The following TAS2R1 variants were observed in gnomAD, a reference collection of about 807,000 sequenced individuals.
TAS2R1 encodes the protein taste 2 receptor member 1.
For synonymous variants in TAS2R1, 141 were observed against 134.2 expected, an observed-to-expected ratio of 1.05 and a Z score of -0.35; for missense variants, 370 against 353.4, an observed-to-expected ratio of 1.05 and a Z score of -0.38.
At chr5:9,689,126 T>A (rs1178095813) in intron 1 of TAS2R1, among the ~76,000 whole-genome samples, 1 of 152,188 alleles carries the variant, frequency 6.6e-6, no homozygotes, top group East Asian at 1.9e-4. Flanking sequence ...TACTGACTTT[T>A]ATCAACTCTA....
chr5:9,818,375 T>C, the TAS2R1 span, among the ~76,000 whole-genome samples: 1 of 152,166 alleles, frequency 6.6e-6, no homozygotes, highest in East Asian at 1.9e-4. Flanking sequence ...ACCCCAAGAT[T>C]TTCTCTACCC....
the TAS2R1 span, among the ~76,000 whole-genome samples, chr5:9,743,375 T>C: frequency 6.6e-6 from 1 of 152,168 alleles, no homozygotes; most frequent in Non-Finnish European, 1.5e-5. Flanking sequence ...ACGTGCAGGT[T>C]TGTTACATAT....
the TAS2R1 span, among the ~76,000 whole-genome samples, chr5:9,847,630 G>A: frequency 6.6e-6 from 1 of 152,202 alleles, no homozygotes; most frequent in Non-Finnish European, 1.5e-5. Flanking sequence ...TGGAAGCTTT[G>A]GAGCATCAAC....
the TAS2R1 span, among the ~76,000 whole-genome samples, chr5:9,863,537 T>C: frequency 1.3e-5 from 2 of 152,194 alleles, no homozygotes; most frequent in South Asian, 4.1e-4. Flanking sequence ...AGTGTTTGGA[T>C]TACGGGCGTG....
the TAS2R1 span, among the ~76,000 whole-genome samples, chr5:9,795,085 C>T: frequency 1.3e-5 from 2 of 152,132 alleles, no homozygotes; most frequent in African/African-American, 2.4e-5. Flanking sequence ...AGATATTCAA[C>T]GTCCTCTTTC....
In TAS2R1 at chr5:9,708,949, C is replaced by T. The variant is rs554944755; in HGVS notation, c.-242+3223G>A. Reference sequence around the variant, plus strand: ...AAAATAGCTGCCACAGCTCCAGGCACCATGCTCCCACACAGTTATATTCAA... The same window carrying T: ...AAAATAGCTGCCACAGCTCCAGGCATCATGCTCCCACACAGTTATATTCAA... On this transcript the variant is annotated intron_variant, in intron 1 of 2. Transcript: ENST00000506620. 7.2e-5 allele frequency among the ~76,000 whole-genome samples: 11 copies of T among 152,244 alleles called. No homozygotes were observed. In the South Asian group the frequency reaches 2.3e-3, roughly 32 times the overall value.
the TAS2R1 span, among the ~76,000 whole-genome samples, chr5:9,792,875 T>A: frequency 6.6e-5 from 10 of 152,206 alleles, no homozygotes; most frequent in African/African-American, 2.4e-4. Flanking sequence ...CTGGTGATAT[T>A]CTGATCAAAA....
At chr5:9,672,351 A>T (rs6878365) in intron 1 of TAS2R1, among the ~76,000 whole-genome samples, 31,930 of 152,122 alleles carry the variant, frequency 0.21, 3,546 homozygotes, top group African/African-American at 0.26. Flanking sequence ...AAGACAACCT[A>T]CAGAACAGGA....
the TAS2R1 span, among the ~76,000 whole-genome samples, chr5:9,788,808 A>G: frequency 1.2e-4 from 18 of 152,298 alleles, no homozygotes; most frequent in Middle Eastern, 0.01. Context: ...GAAATATGAA[A>G]ATGTTTTTAT....
the TAS2R1 span, among the ~76,000 whole-genome samples, chr5:9,862,459 C>T: frequency 1.3e-5 from 2 of 152,070 alleles, no homozygotes; most frequent in Non-Finnish European, 2.9e-5. Flanking sequence ...TGCATCAGAC[C>T]GCACAGAGCC....
the TAS2R1 span, among the ~76,000 whole-genome samples, chr5:9,801,573 G>A: frequency 6.6e-6 from 1 of 152,212 alleles, no homozygotes; most frequent in South Asian, 2.1e-4. Flanking sequence ...GGCTCCCTGA[G>A]ATGCCAAAAA....
the TAS2R1 span, among the ~76,000 whole-genome samples, chr5:9,790,184 G>A: frequency 4.6e-5 from 7 of 152,174 alleles, no homozygotes; most frequent in African/African-American, 1.7e-4. Context: ...CTACCATTAA[G>A]CCTTCGATGG....
the TAS2R1 span, among the ~76,000 whole-genome samples, chr5:9,787,056 G>A: frequency 6.6e-6 from 1 of 152,020 alleles, no homozygotes; most frequent in Non-Finnish European, 1.5e-5. Context: ...ATATGTTTTG[G>A]CCCAAGTTTC....
chr5:9,692,940 T>A (rs1741277560), intron 1 of TAS2R1, among the ~76,000 whole-genome samples: 1 of 152,130 alleles, frequency 6.6e-6, no homozygotes, highest in Non-Finnish European at 1.5e-5. Flanking sequence ...GCGGCTCATT[T>A]GGTTTATCTC....
chr5:9,732,452 G>T, the TAS2R1 span, among the ~76,000 whole-genome samples: 1 of 152,138 alleles, frequency 6.6e-6, no homozygotes, highest in Non-Finnish European at 1.5e-5. Flanking sequence ...GGGCTTTATG[G>T]AGAAAGGATT....
At chr5:9,638,904 G>A (rs1483424376) in intron 2 of TAS2R1, among the ~76,000 whole-genome samples, 3 of 152,124 alleles carry the variant, frequency 2.0e-5, no homozygotes, top group Non-Finnish European at 2.9e-5. Flanking sequence ...GGAAGTGGGG[G>A]ATAGCCAGTA....
chr5:9,700,674 C>T (rs902195214), intron 1 of TAS2R1, among the ~76,000 whole-genome samples: 1 of 152,010 alleles, frequency 6.6e-6, no homozygotes, highest in African/African-American at 2.4e-5. Context: ...TGATCACAGT[C>T]CTGGAGGCTA....
the TAS2R1 span, among the ~76,000 whole-genome samples, chr5:9,739,979 T>G: frequency 6.6e-6 from 1 of 152,180 alleles, no homozygotes. Flanking sequence ...TTAATTCATA[T>G]CTCAGTAGCT....
At chr5:9,800,233 T>G in the TAS2R1 span, among the ~76,000 whole-genome samples, 1 of 152,180 alleles carries the variant, frequency 6.6e-6, no homozygotes, top group African/African-American at 2.4e-5. Context: ...AACGACAAAA[T>G]TACGCAGCCC....
Sources: gnomAD v4.1 joint callset for allele counts (sites outside exome capture counted in the v4.1 genomes callset) on GRCh38, gnomAD v4.1.1 for gene constraint, MANE v1.5 for transcripts, NCBI Gene and HGNC (gene_info 2026-07-23, HGNC 2026-07-21) for gene names.